STK3: variants seen among roughly 807,000 people sequenced by gnomAD.
STK3 encodes serine/threonine-protein kinase 3.
Under a neutral mutation model 58.0 loss-of-function variants are expected in STK3, and 41 were observed. That is an observed-to-expected ratio of 0.71 (90% confidence interval 0.55 to 0.92). The LOEUF (loss-of-function observed/expected upper bound fraction) is 0.92. Among genes scored for constraint, STK3 ranks in the 40% least tolerant of loss-of-function variants. The pLI is 0.00. For missense variants in STK3, 479 were observed against 602.7 expected (o/e 0.79, Z 2.15); for synonymous variants, 170 against 191.0 (o/e 0.89, Z 0.91).
intron 10 of STK3, among the ~76,000 whole-genome samples, chr8:98,494,653 TCAAAAA>T (rs1822981972): frequency 3.7e-5 from 1 of 26,704 alleles, no homozygotes; most frequent in Non-Finnish European, 6.8e-5. Flanking sequence ...AGACCCTGTC[TCAAAAA>T]AAAAAAAAAA....
At chr8:98,702,434 A>G (rs1825694669) in intron 6 of STK3, among the ~76,000 whole-genome samples, 1 of 152,192 alleles carries the variant, frequency 6.6e-6, no homozygotes. Flanking sequence ...CACCCTAAAT[A>G]TATGTCCTAC....
intron 1 of STK3, among the ~76,000 whole-genome samples, chr8:98,781,419 C>T (rs1832080364): frequency 1.3e-5 from 2 of 152,006 alleles, no homozygotes; most frequent in Admixed American, 1.3e-4. Flanking sequence ...CTCCTCAAAG[C>T]CCAGCAAAAC....
chr8:98,739,502 T>C (rs1828983179), intron 4 of STK3, among the ~76,000 whole-genome samples: 1 of 149,292 alleles, frequency 6.7e-6, no homozygotes, highest in Non-Finnish European at 1.5e-5. Flanking sequence ...AGTGGACCTC[T>C]AGCAAACTCC....
intron 4 of STK3, among the ~76,000 whole-genome samples, chr8:98,731,847 G>A (rs1227639448): frequency 6.6e-6 from 1 of 152,030 alleles, no homozygotes; most frequent in Non-Finnish European, 1.5e-5. Flanking sequence ...CAGTGCTTAC[G>A]GTGAGACCTG....
intron 6 of STK3, among the ~76,000 whole-genome samples, chr8:98,634,271 G>A (rs1422859485): frequency 6.6e-6 from 1 of 152,168 alleles, no homozygotes; most frequent in Non-Finnish European, 1.5e-5. Context: ...CGGATCACTT[G>A]AGTCCAGGAG....
At chr8:98,347,098 T>C in the STK3 span, among the ~76,000 whole-genome samples, 2 of 151,806 alleles carry the variant, frequency 1.3e-5, no homozygotes, top group Non-Finnish European at 2.9e-5. Context: ...ATAATATCAC[T>C]TGAAGGTAGA....
chr8:98,713,424 T>TA (rs1428534120), intron 4 of STK3, among the ~76,000 whole-genome samples: 1 of 151,320 alleles, frequency 6.6e-6, no homozygotes, highest in African/African-American at 2.4e-5. Flanking sequence ...ATAGAAGCAA[T>TA]AAAAAAATGA....
intron 9 of STK3, among the ~76,000 whole-genome samples, chr8:98,539,645 A>G (rs901239092): frequency 6.6e-6 from 1 of 152,272 alleles, no homozygotes; most frequent in Non-Finnish European, 1.5e-5. Flanking sequence ...TAAAATGTAT[A>G]TTTAGTAAAT....
intron 3 of STK3, chr8:98,431,382 C>T (rs913900322): frequency 6.0e-6 from 1 of 167,072 alleles, no homozygotes; most frequent in Non-Finnish European, 1.5e-5. Context: ...AGTGAGATGA[C>T]TTAGAGGCAA....
intron 3 of STK3, among the ~76,000 whole-genome samples, chr8:98,841,817 A>C (rs957009325): frequency 6.6e-6 from 1 of 152,096 alleles, no homozygotes; most frequent in Non-Finnish European, 1.5e-5. Context: ...ACTGCAGACT[A>C]TAAGAAAAAT....
At chr8:98,697,540 A>C (rs916117256) in intron 6 of STK3, among the ~76,000 whole-genome samples, 3 of 152,244 alleles carry the variant, frequency 2.0e-5, no homozygotes, top group Admixed American at 6.5e-5. Context: ...TGTGTCCCAG[A>C]GATTCTTGTA....
chr8:98,926,556 TGCACACACACACAC>T (rs1839806831), intron 1 of STK3, among the ~76,000 whole-genome samples: 1 of 151,692 alleles, frequency 6.6e-6, no homozygotes, highest in Non-Finnish European at 1.5e-5. Flanking sequence ...TACACACACA[TGCACACACACACAC>T]ACATCTATAA....
At chr8:98,867,797 T>G (rs1031552155) in intron 3 of STK3, among the ~76,000 whole-genome samples, 1 of 152,234 alleles carries the variant, frequency 6.6e-6, no homozygotes, top group Non-Finnish European at 1.5e-5. Context: ...CTCACAGGGT[T>G]ATTACAAAGC....
chr8:98,529,577 A>C (rs1024363616), intron 9 of STK3, among the ~76,000 whole-genome samples: 1 of 152,224 alleles, frequency 6.6e-6, no homozygotes, highest in Non-Finnish European at 1.5e-5. Flanking sequence ...ACTTCTGGGT[A>C]TATATCCGGA....
chr8:98,420,317 A>G (rs1326439210), intron 3 of STK3, among the ~76,000 whole-genome samples: 1 of 152,170 alleles, frequency 6.6e-6, no homozygotes, highest in East Asian at 1.9e-4. Flanking sequence ...GGCCACAGTG[A>G]TGTCCAAGTC....
chr8:98,663,114 T>C (rs189142705), intron 6 of STK3, among the ~76,000 whole-genome samples: 29 of 152,212 alleles, frequency 1.9e-4, no homozygotes, highest in South Asian at 1.7e-3. Context: ...GGGAAAAATT[T>C]TTGCAATCTA....
intron 8 of STK3, among the ~76,000 whole-genome samples, chr8:98,575,022 G>C (rs1813284330): frequency 6.6e-6 from 1 of 152,006 alleles, no homozygotes; most frequent in African/African-American, 2.4e-5. Context: ...TATTCGGGGT[G>C]GTGGGGGTGA....
chr8:98,703,450 T>C (rs1267628276), intron 6 of STK3, among the ~76,000 whole-genome samples: 4 of 152,168 alleles, frequency 2.6e-5, no homozygotes, highest in Admixed American at 2.6e-4. Context: ...TACCATAGTG[T>C]CATATCCTAC....
At chr8:98,513,848 G>C (rs1289577106) in intron 10 of STK3, among the ~76,000 whole-genome samples, 1 of 152,186 alleles carries the variant, frequency 6.6e-6, no homozygotes, top group African/African-American at 2.4e-5. Context: ...CCCATCTAGA[G>C]AGAGGGGAGG....
Sources: gnomAD v4.1 joint callset for allele counts (sites outside exome capture counted in the v4.1 genomes callset) on GRCh38, gnomAD v4.1.1 for gene constraint, MANE v1.5 for transcripts, NCBI Gene and HGNC (gene_info 2026-07-23, HGNC 2026-07-21) for gene names.